The following ZCCHC14 variants were observed in gnomAD, a reference collection of about 807,000 sequenced individuals.
ZCCHC14 encodes the protein zinc finger CCHC domain-containing protein 14.
A neutral mutation model predicts 85.0 loss-of-function variants in ZCCHC14; 16 were observed. The ratio of observed to expected loss-of-function variants is 0.19; its 90% CI spans 0.13 to 0.29. The LOEUF (loss-of-function observed/expected upper bound fraction) is 0.29. ZCCHC14 is among the 10% of genes least tolerant of loss of function. The probability of loss-of-function intolerance (pLI) is 1.00; values close to 1 mark genes in which losing one functional copy is unlikely to be tolerated. For synonymous variants in ZCCHC14, 775 were observed against 630.7 expected (o/e 1.23, Z -3.43); for missense variants, 1,303 against 1,443.5 (o/e 0.90, Z 1.58).
At chr16:87,465,137 C>T (rs955100596) in intron 1 of ZCCHC14, among the ~76,000 whole-genome samples, 5 of 152,232 alleles carry the variant, frequency 3.3e-5, no homozygotes, top group Non-Finnish European at 7.3e-5. Context: ...GTCCCCTCTG[C>T]CTGGAAGCGC....
rs1020849036 is a variant in ZCCHC14 at position 87,406,489 on chromosome 16, A to C, written c.*3791T>G. On this transcript the variant is annotated 3_prime_UTR_variant, in exon 13 of 13. Coordinates refer to ENST00000671377, the MANE Select transcript of ZCCHC14 (RefSeq NM_015144.3). ...AGAATTGACAAAAGAATGGCTCAAA[A>C]ATGGGAGAATTTTCCTTCATTCCTA... 6.6e-6 allele frequency: 1 copy of C among 152,630 alleles called. No homozygotes were observed. Among genetic ancestry groups the C allele is most frequent in the African/African-American group, 2.4e-5 (1 of 41,460 alleles). 9.5% of individuals were successfully genotyped at this position (152,630 alleles called of 1,614,324 possible). A position where few individuals can be genotyped will look rare whatever the true frequency, so the allele number is the denominator to read the frequency against.
intron 1 of ZCCHC14, among the ~76,000 whole-genome samples, chr16:87,465,947 C>A (rs908898725): frequency 1.3e-5 from 2 of 152,178 alleles, no homozygotes; most frequent in African/African-American, 4.8e-5. Flanking sequence ...AGCCACCGAG[C>A]CCGGTCTCCG....
chr16:87,452,520 T>C (rs1286631777), intron 2 of ZCCHC14, among the ~76,000 whole-genome samples: 1 of 151,638 alleles, frequency 6.6e-6, no homozygotes, highest in Non-Finnish European at 1.5e-5. Context: ...AAGAGCGCTA[T>C]CGGGACCACC....
At chr16:87,429,673 C>G (rs866861676) in intron 3 of ZCCHC14, among the ~76,000 whole-genome samples, 6 of 152,108 alleles carry the variant, frequency 3.9e-5, no homozygotes, top group East Asian at 3.9e-4. Context: ...GTGGCATGAT[C>G]TTGGCTCACT....
chr16:87,420,834 T>C lies in ZCCHC14; in HGVS notation c.841-118A>G, dbSNP rs959675578. On this transcript the variant is annotated intron_variant, in intron 4 of 12. Transcript: ENST00000671377. The surrounding 1 kb of genome is among the most constrained non-coding windows in gnomAD (Gnocchi z 5.0). ...CATGGTGCCGCCTGCTGGTCTGATA[T>C]GATTTACACCTCCCGTCAGAGCTAT... The C allele has an allele frequency of 2.7e-6, 2 of 745,910 alleles. No individual in the cohort carries two copies. Among genetic ancestry groups the C allele is most frequent in the Middle Eastern group, 2.7e-4 (1 of 3,688 alleles). 46.2% of individuals were successfully genotyped at this position (745,910 alleles called of 1,614,324 possible).
At chr16:87,410,868 C>T (rs939231480) in intron 12 of ZCCHC14, among the ~76,000 whole-genome samples, 8 of 152,214 alleles carry the variant, frequency 5.3e-5, no homozygotes, top group Admixed American at 5.2e-4. Context: ...TTAGAAGCAA[C>T]TGGAAGTCTG....
At chr16:87,435,243 CGTGGCAA>C (rs1180307544) in intron 2 of ZCCHC14, among the ~76,000 whole-genome samples, 2 of 152,138 alleles carry the variant, frequency 1.3e-5, no homozygotes, top group Non-Finnish European at 2.9e-5. Flanking sequence ...CCAAATCACC[CGTGGCAA>C]GTTAAGTTAA....
chr16:87,426,901 A>G (rs1002001547), intron 3 of ZCCHC14, among the ~76,000 whole-genome samples: 1 of 152,254 alleles, frequency 6.6e-6, no homozygotes, highest in African/African-American at 2.4e-5. Flanking sequence ...TCAGAGCCCA[A>G]GAGTTCTCTG....
At chr16:87,467,602 C>G (rs1911585127) in intron 1 of ZCCHC14, 5 of 1,287,302 alleles carry the variant, frequency 3.9e-6, no homozygotes, top group Non-Finnish European at 5.7e-6. Context: ...TGTCAAGGAT[C>G]TGGAGATGAC....
In ZCCHC14 at chr16:87,412,399, G is replaced by A. The variant is rs1597396863; in HGVS notation, c.2322C>T (p.Ile774=). 3.1e-6 allele frequency: 5 copies of A among 1,614,214 alleles called. No individual in the cohort carries two copies. In the East Asian group the frequency reaches 8.9e-5, roughly 29 times the overall value. Residue 774 remains isoleucine (I), a synonymous_variant, in exon 12 of 13, where the codon ATC becomes ATT. Transcript: ENST00000671377. ...STVLHAARPP[I]KLLLSSSVPA... is the part of the protein sequence containing the mutation. Reference sequence around the variant, plus strand: ...GAACAGATGACGACAGCAGCAGTTTGATGGGCGGACGGGCGGCGTGGAGGA... The same window carrying A: ...GAACAGATGACGACAGCAGCAGTTTAATGGGCGGACGGGCGGCGTGGAGGA...
At chr16:87,475,370 G>T (rs974554410) in intron 1 of ZCCHC14, among the ~76,000 whole-genome samples, 2 of 152,014 alleles carry the variant, frequency 1.3e-5, no homozygotes, top group African/African-American at 4.8e-5. Context: ...TGGCCAACAT[G>T]GCAAAACCCT....
intron 1 of ZCCHC14, among the ~76,000 whole-genome samples, chr16:87,490,621 C>T (rs777032516): frequency 6.6e-6 from 1 of 152,336 alleles, no homozygotes; most frequent in Non-Finnish European, 1.5e-5. Context: ...TTTAACCTAA[C>T]CTAACATTCC....
intron 2 of ZCCHC14, among the ~76,000 whole-genome samples, chr16:87,440,298 G>A (rs773124812): frequency 6.6e-6 from 1 of 152,012 alleles, no homozygotes; most frequent in Admixed American, 6.6e-5. Context: ...CTGAGTAGCT[G>A]GGATTACAGG....
Position 87,412,662 on chromosome 16 carries a change from T to C in ZCCHC14, c.2059A>G (p.Lys687Glu), listed in dbSNP as rs1908532021. Residue 687 changes from lysine (K) to glutamate (E), a missense_variant, in exon 12 of 13, where the codon AAA becomes GAA. By Grantham distance (56) the Lys-to-Glu change is moderately conservative (BLOSUM62 1). Transcript: ENST00000671377. ...NKGSGPRSSMKVDKSFGSAMM... is the reference protein window; with the variant it reads ...NKGSGPRSSMEVDKSFGSAMM... ...GCGCTGCCAAAGCTCTTGTCCACTT[T>C]CATGCTGCTTCTTGGTCCAGATCCT... 6.2e-7 allele frequency: 1 copy of C among 1,614,210 alleles called. No individual in the cohort carries two copies. The highest frequency in any genetic ancestry group is 2.2e-5 in the East Asian group (1 of 44,880).
intron 2 of ZCCHC14, among the ~76,000 whole-genome samples, 172 bp downstream of exon 2, chr16:87,459,836 G>C (rs568218974): frequency 6.6e-6 from 1 of 152,246 alleles, no homozygotes; most frequent in African/African-American, 2.4e-5. Context: ...CAATAATTGA[G>C]ATTTTTACAG....
At chr16:87,466,933 T>C (rs770190028) in intron 1 of ZCCHC14, among the ~76,000 whole-genome samples, 28 of 151,832 alleles carry the variant, frequency 1.8e-4, no homozygotes, top group Non-Finnish European at 2.8e-4. Context: ...CTTGTTTCTT[T>C]ACAAATACGG....
chr16:87,418,979 G>T (rs1476972745), intron 6 of ZCCHC14, 78 bp from the exon 7 acceptor site: 25 of 1,334,688 alleles, frequency 1.9e-5, no homozygotes, highest in Non-Finnish European at 2.6e-5. Context: ...TTTTTGAGAC[G>T]GTGTTTTGCT....
intron 1 of ZCCHC14, among the ~76,000 whole-genome samples, chr16:87,466,599 A>C (rs1911530597): frequency 6.7e-6 from 1 of 148,818 alleles, no homozygotes; most frequent in Admixed American, 6.6e-5. Context: ...TAAGTATTAG[A>C]AGACAAATGG....
At chr16:87,417,436 C>A in intron 8 of ZCCHC14, 24 bp downstream of exon 8, 1 of 1,608,398 alleles carries the variant, frequency 6.2e-7, no homozygotes, top group South Asian at 1.1e-5. Context: ...CAATTCTGTA[C>A]GGCCAGCCAG....
Sources: allele counts gnomAD v4.1 joint callset (sites outside exome capture counted in the v4.1 genomes callset), GRCh38; gene constraint gnomAD v4.1.1; non-coding constraint Gnocchi (gnomAD v3.1); transcripts MANE v1.5; gene names NCBI Gene and HGNC (gene_info 2026-07-23, HGNC 2026-07-21).